Variants in RALGAPA1 observed in about 807,000 individuals in gnomAD.
RALGAPA1 encodes Ral GTPase activating protein catalytic subunit alpha 1.
A neutral mutation model predicts 269.6 loss-of-function variants in RALGAPA1; 52 were observed. The ratio of observed to expected loss-of-function variants is 0.19; its 90% CI spans 0.15 to 0.24. The LOEUF (loss-of-function observed/expected upper bound fraction) is 0.24, where lower values mean the gene tolerates loss of function less well. Ranked by LOEUF, RALGAPA1 falls within the 10% of genes least tolerant of loss-of-function variation. RALGAPA1 has a pLI of 1.00. For synonymous variants in RALGAPA1, 817 were observed against 1,008.3 expected (o/e 0.81, Z 3.60); for missense variants, 1,917 against 3,013.9 (o/e 0.64, Z 8.52).
chr14:35,794,645 G>A (rs1471945291), intron 1 of RALGAPA1, among the ~76,000 whole-genome samples: 1 of 152,100 alleles, frequency 6.6e-6, no homozygotes, highest in Non-Finnish European at 1.5e-5. Flanking sequence ...TTTTAGTAGA[G>A]ACGGGGTTTC....
At chr14:35,589,753 T>G (rs1010940212) in intron 37 of RALGAPA1, among the ~76,000 whole-genome samples, 1 of 152,286 alleles carries the variant, frequency 6.6e-6, no homozygotes, top group Admixed American at 6.5e-5. Context: ...GAGGCTGTAG[T>G]GCAGTGGTGC....
At chr14:35,597,021 C>G (rs565207450) in intron 36 of RALGAPA1, among the ~76,000 whole-genome samples, 6 of 152,210 alleles carry the variant, frequency 3.9e-5, no homozygotes, top group African/African-American at 1.4e-4. Flanking sequence ...CCTGGCTTCA[C>G]AGAAGTTCAT....
chr14:35,694,433 G>A (rs1361708270), intron 17 of RALGAPA1, among the ~76,000 whole-genome samples: 1 of 152,070 alleles, frequency 6.6e-6, no homozygotes, highest in African/African-American at 2.4e-5. Context: ...AAAAACGATA[G>A]AGCATCTATG....
chr14:35,806,475 G>A (rs112919104), intron 1 of RALGAPA1, among the ~76,000 whole-genome samples: 1 of 152,080 alleles, frequency 6.6e-6, no homozygotes, highest in Non-Finnish European at 1.5e-5. Flanking sequence ...AAACATACCA[G>A]ATTTAAATCT....
intron 41 of RALGAPA1, among the ~76,000 whole-genome samples, chr14:35,544,034 T>G (rs1198742889): frequency 6.6e-6 from 1 of 152,224 alleles, no homozygotes; most frequent in Non-Finnish European, 1.5e-5. Context: ...ATTTTAGATT[T>G]AGAACAAATC....
chr14:35,688,044 T>G (rs1039143303), intron 18 of RALGAPA1, among the ~76,000 whole-genome samples: 1 of 152,156 alleles, frequency 6.6e-6, no homozygotes, highest in African/African-American at 2.4e-5. Context: ...GCAGTAAAAA[T>G]AAGTGAAATC....
chr14:35,747,857 G>A (rs1359238042), intron 10 of RALGAPA1, among the ~76,000 whole-genome samples: 1 of 152,000 alleles, frequency 6.6e-6, no homozygotes, highest in Non-Finnish European at 1.5e-5. Context: ...GGGATTTCCA[G>A]CTGTTTCATG....
intron 26 of RALGAPA1, among the ~76,000 whole-genome samples, chr14:35,666,449 T>A (rs185016184): frequency 3.3e-5 from 5 of 152,256 alleles, no homozygotes; most frequent in Admixed American, 2.6e-4. Context: ...GGTCTCAAAC[T>A]CCTGACCTCA....
chr14:35,739,181 C>T (rs972769181), intron 11 of RALGAPA1, among the ~76,000 whole-genome samples: 5 of 152,178 alleles, frequency 3.3e-5, no homozygotes, highest in Non-Finnish European at 5.9e-5. Flanking sequence ...CAAGGGAGTT[C>T]CCTCAGTTAA....
chr14:35,685,653 C>T (rs996122673), intron 19 of RALGAPA1, among the ~76,000 whole-genome samples: 3 of 152,142 alleles, frequency 2.0e-5, no homozygotes, highest in Non-Finnish European at 4.4e-5. Context: ...CTGGTAATCC[C>T]AGCACTTTGG....
At chr14:35,703,647 G>C (rs752549080) in intron 16 of RALGAPA1, among the ~76,000 whole-genome samples, 10 of 152,064 alleles carry the variant, frequency 6.6e-5, no homozygotes, top group Non-Finnish European at 1.2e-4. Context: ...CAATGAATTA[G>C]CTATTGAGAT....
chr14:35,756,098 A>T (rs1312481777), intron 7 of RALGAPA1, among the ~76,000 whole-genome samples: 1 of 152,192 alleles, frequency 6.6e-6, no homozygotes, highest in Non-Finnish European at 1.5e-5. Context: ...TAAATCAAAC[A>T]ATTTTCAGCT....
At chr14:35,709,076 A>C (rs1311868250) in intron 16 of RALGAPA1, among the ~76,000 whole-genome samples, 1 of 152,180 alleles carries the variant, frequency 6.6e-6, no homozygotes, top group Non-Finnish European at 1.5e-5. Context: ...CTAGAGGCTC[A>C]GAAGTACAGT....
chr14:35,764,461 A>G (rs1468651634), intron 4 of RALGAPA1, among the ~76,000 whole-genome samples: 1 of 152,142 alleles, frequency 6.6e-6, no homozygotes, highest in East Asian at 1.9e-4. Flanking sequence ...AATTGAAAAT[A>G]CATTATCCCA....
rs993548874 is a variant in RALGAPA1, at chr14:35,689,616, T to C, written c.2795A>G (p.Asp932Gly). 8.0e-7 allele frequency: 1 copy of C among 1,251,592 alleles called. No individual in the cohort carries two copies. The highest frequency in any genetic ancestry group is 1.0e-6 in the Non-Finnish European group (1 of 1,000,492). 77.5% of individuals were successfully genotyped at this position (1,251,592 alleles called of 1,614,324 possible). A position where few individuals can be genotyped will look rare whatever the true frequency, so the allele number is the denominator to read the frequency against. The change falls in exon 18 of 42, where the codon GAC becomes GGC. Residue 932 changes from aspartate to glycine, a missense_variant. Physicochemically the swap from Asp to Gly is moderately conservative, Grantham distance 94 (BLOSUM62 -1). Around this residue, in one of 11 missense-constraint regions of RALGAPA1, gnomAD observed 615 missense variants for 790.0 expected, o/e 0.78. Transcript: ENST00000680220. ...AAGAAGATCATCATCTCCTTCAAGG[T>C]CAATGTACTGGATTTGTTCAAAAGC... Reference protein sequence around the residue: ...DSAFEQIQYIDLEGDDDLLST... With the variant: ...DSAFEQIQYIGLEGDDDLLST...
At chr14:35,705,352 A>G (rs890326481) in intron 16 of RALGAPA1, among the ~76,000 whole-genome samples, 2 of 151,626 alleles carry the variant, frequency 1.3e-5, no homozygotes, top group East Asian at 3.9e-4. Context: ...CCCTATTCCT[A>G]GTGCCTGGAA....
At chr14:35,687,803 T>C (rs2066087882) in intron 18 of RALGAPA1, among the ~76,000 whole-genome samples, 1 of 152,194 alleles carries the variant, frequency 6.6e-6, no homozygotes, top group Non-Finnish European at 1.5e-5. Context: ...TTAAAGTGTT[T>C]CAAGGACATA....
intron 31 of RALGAPA1, among the ~76,000 whole-genome samples, chr14:35,643,983 G>T (rs1258322393): frequency 6.6e-6 from 1 of 152,090 alleles, no homozygotes; most frequent in African/African-American, 2.4e-5. Flanking sequence ...GCAAAACAGA[G>T]TGACTATAGT....
At chr14:35,786,597 C>T (rs1380208198) in intron 1 of RALGAPA1, among the ~76,000 whole-genome samples, 1 of 151,990 alleles carries the variant, frequency 6.6e-6, no homozygotes, top group African/African-American at 2.4e-5. Context: ...GGGATCACAC[C>T]ACTGCATTCC....
Sources: gnomAD v4.1 joint callset for allele counts (sites outside exome capture counted in the v4.1 genomes callset) on GRCh38, gnomAD v4.1.1 for gene constraint, gnomAD v4.1.1 regional missense constraint, MANE v1.5 for transcripts, NCBI Gene and HGNC (gene_info 2026-07-23, HGNC 2026-07-21) for gene names.